Variants in ANK3 observed in about 807,000 individuals in gnomAD.
The protein encoded by ANK3 is ankyrin-3.
In ANK3, 57 loss-of-function variants were observed where a neutral mutation model predicts 370.9. The observed-to-expected ratio is 0.15, with a 90% CI of 0.12 to 0.19. The LOEUF is 0.19. ANK3 is among the 10% of genes least tolerant of loss of function. ANK3 has a pLI of 1.00. For synonymous variants in ANK3, 1,929 were observed against 1,946.3 expected, an observed-to-expected ratio of 0.99 and a Z score of 0.23; for missense variants, 4,439 against 5,302.1, an observed-to-expected ratio of 0.84 and a Z score of 5.06.
At chr10:60,079,870 A>G (rs1409325223) in intron 36 of ANK3, among the ~76,000 whole-genome samples, 1 of 152,142 alleles carries the variant, frequency 6.6e-6, no homozygotes, top group African/African-American at 2.4e-5. Context: ...GATAGGACTG[A>G]ATGAATCTGT....
At chr10:60,159,903 C>T (rs146389956) in intron 23 of ANK3, among the ~76,000 whole-genome samples, 15 of 151,978 alleles carry the variant, frequency 9.9e-5, no homozygotes, top group Middle Eastern at 3.4e-3. Context: ...CTAAAACCTA[C>T]GGGAGACAGC....
rs1232915389 is a variant in ANK3, at chr10:60,075,704, G to A, written c.5177C>T (p.Pro1726Leu). ...TCCATTAATTAAAGTTGAGGATGATGGATATTTTAGAGGGGAAATAGATCC... is the reference window on the plus strand; with the variant it reads ...TCCATTAATTAAAGTTGAGGATGATAGATATTTTAGAGGGGAAATAGATCC... ...VNGSISPLKY[P>L]SSSTLINGCK... The change falls in exon 37 of 44, where the codon CCA becomes CTA. Residue 1726 changes from proline (P) to leucine (L), a missense_variant. Transcript: ENST00000280772. The A allele has an allele frequency of 2.5e-6, 4 of 1,613,906 alleles. No homozygotes were observed. Among genetic ancestry groups the A allele is most frequent in the Non-Finnish European group, 3.4e-6 (4 of 1,179,998 alleles).
intron 23 of ANK3, among the ~76,000 whole-genome samples, chr10:60,153,295 G>A (rs2095217499): frequency 6.6e-6 from 1 of 152,172 alleles, no homozygotes; most frequent in Non-Finnish European, 1.5e-5. Context: ...AGTCTACTGG[G>A]TAAGAGAAGA....
At chr10:60,034,116 T>TC (rs984881599) in intron 43 of ANK3, among the ~76,000 whole-genome samples, 3 of 147,076 alleles carry the variant, frequency 2.0e-5, no homozygotes, top group Non-Finnish European at 3.0e-5. Flanking sequence ...GTTTTTTTTT[T>TC]TTTTTTTTGA....
At chr10:60,052,842 A>AT (rs1388751411) in intron 42 of ANK3, among the ~76,000 whole-genome samples, 2 of 152,162 alleles carry the variant, frequency 1.3e-5, no homozygotes, top group East Asian at 3.8e-4. Flanking sequence ...TGTTTAAAAA[A>AT]AAAAATAAAA....
At chr10:60,169,858 T>C (rs558915311) in intron 21 of ANK3, among the ~76,000 whole-genome samples, 3 of 152,326 alleles carry the variant, frequency 2.0e-5, no homozygotes, top group Non-Finnish European at 2.9e-5. Flanking sequence ...AGTTAATTCA[T>C]ATGTCCCTTC....
chr10:60,359,666 G>A (rs1352064147), intron 1 of ANK3, among the ~76,000 whole-genome samples: 1 of 152,124 alleles, frequency 6.6e-6, no homozygotes, highest in Non-Finnish European at 1.5e-5. Context: ...GCCAGTTGTG[G>A]TGGCTCATGC....
intron 1 of ANK3, among the ~76,000 whole-genome samples, chr10:60,714,062 A>G (rs914066311): frequency 1.3e-5 from 2 of 152,152 alleles, no homozygotes; most frequent in African/African-American, 4.8e-5. Flanking sequence ...AGGGGCCACC[A>G]TTATTGATCT....
chr10:60,473,782 C>T (rs1337216768), intron 2 of ANK3, among the ~76,000 whole-genome samples: 4 of 151,834 alleles, frequency 2.6e-5, no homozygotes, highest in African/African-American at 9.7e-5. Context: ...GGCAAATTAC[C>T]CTTCTATGAA....
rs145249761 is a variant in ANK3 at position 60,599,321 on chromosome 10, T to C, written c.96+15865A>G. Among the ~76,000 whole-genome samples, 381 of 152,282 alleles carry C rather than the reference T, an allele frequency of 2.5e-3. 7 individuals carry two copies. Among genetic ancestry groups the C allele is most frequent in the Admixed American group, 0.02 (303 of 15,272 alleles). The stretch of plus-strand genomic sequence containing the variant: ...AAGGTTTCTCTTCTACTACAAAATA[T>C]GTTAACTAAGTTATAATGGACACGA... On this transcript the variant is annotated intron_variant, in intron 2 of 43. Transcript: ENST00000373827.
intron 2 of ANK3, among the ~76,000 whole-genome samples, chr10:60,540,529 A>T (rs1001104952): frequency 6.6e-6 from 1 of 151,902 alleles, no homozygotes; most frequent in Non-Finnish European, 1.5e-5. Context: ...CTGGAAGCAC[A>T]TTAGGAAACC....
At chr10:60,621,589 T>C (rs2078338741) in intron 1 of ANK3, among the ~76,000 whole-genome samples, 1 of 152,162 alleles carries the variant, frequency 6.6e-6, no homozygotes, top group Non-Finnish European at 1.5e-5. Flanking sequence ...ACCAATTTGT[T>C]GAGAAAAGTC....
At chr10:60,465,622 A>G (rs1393837623) in intron 2 of ANK3, among the ~76,000 whole-genome samples, 1 of 152,120 alleles carries the variant, frequency 6.6e-6, no homozygotes, top group Non-Finnish European at 1.5e-5. Context: ...AGGCTAGGTC[A>G]CTCTGCCACT....
chr10:60,347,843 A>T (rs969894439), intron 1 of ANK3, among the ~76,000 whole-genome samples: 3 of 152,120 alleles, frequency 2.0e-5, no homozygotes, highest in African/African-American at 7.2e-5. Flanking sequence ...TTCTCAGCTG[A>T]TGCTGATTCT....
intron 1 of ANK3, among the ~76,000 whole-genome samples, chr10:60,357,917 A>G (rs2058020759): frequency 6.6e-6 from 1 of 152,054 alleles, no homozygotes; most frequent in Admixed American, 6.5e-5. Context: ...TCTAAGGCCA[A>G]CCCTTGAATG....
chr10:60,458,189 C>T (rs1483357241), intron 2 of ANK3, among the ~76,000 whole-genome samples: 2 of 152,048 alleles, frequency 1.3e-5, no homozygotes, highest in Admixed American at 1.3e-4. Flanking sequence ...CCTGCAAGTA[C>T]AGATGGAAGT....
intron 1 of ANK3, among the ~76,000 whole-genome samples, chr10:60,382,797 CTATATATATATATA>C (rs5785442): frequency 1.5e-5 from 2 of 133,742 alleles, no homozygotes; most frequent in African/African-American, 5.5e-5. Flanking sequence ...ATACCTAAAT[CTATATATATATATA>C]TATATATATA....
chr10:60,501,912 G>T (rs1342745511), intron 2 of ANK3, among the ~76,000 whole-genome samples: 3 of 152,070 alleles, frequency 2.0e-5, no homozygotes, highest in Non-Finnish European at 4.4e-5. Context: ...CTTCAGCCCG[G>T]GAGTTTGAGG....
intron 1 of ANK3, among the ~76,000 whole-genome samples, chr10:60,716,420 C>T (rs1219816595): frequency 6.6e-6 from 1 of 152,118 alleles, no homozygotes; most frequent in African/African-American, 2.4e-5. Flanking sequence ...AGGGACAATT[C>T]TTCATGAAAC....
Sources: allele counts gnomAD v4.1 joint callset (sites outside exome capture counted in the v4.1 genomes callset), GRCh38; gene constraint gnomAD v4.1.1; transcripts MANE v1.5; gene names NCBI Gene and HGNC (gene_info 2026-07-23, HGNC 2026-07-21).